Variants in VPS54 observed in about 807,000 individuals in gnomAD.
VPS54 encodes VPS54 subunit of GARP complex.
Under a neutral mutation model 121.5 loss-of-function variants are expected in VPS54, and 45 were observed. That is an observed-to-expected ratio of 0.37 (90% CI 0.29 to 0.47). The LOEUF is 0.47. Ranked by LOEUF, VPS54 falls within the 20% of genes least tolerant of loss-of-function variation. VPS54 has a pLI of 0.99. For missense variants in VPS54, 1,090 were observed against 1,131.4 expected, an observed-to-expected ratio of 0.96 and a Z score of 0.52; for synonymous variants, 371 against 385.8, an observed-to-expected ratio of 0.96 and a Z score of 0.45.
chr2:63,978,781 G>A (rs6724024), intron 3 of VPS54, among the ~76,000 whole-genome samples: 40,452 of 151,646 alleles, frequency 0.27, 6,344 homozygotes, highest in East Asian at 0.77. Context: ...CACCACACCC[G>A]GCTAATTTTT....
At position 63,936,539 on chromosome 2, in the gene VPS54, T is replaced by C. The variant is rs569329858; in HGVS notation, c.1399-2526A>G. ...ATAATGACAACTGATATTGTCATTC[T>C]GAAATGACAGACTAGGATTATTTAT... On this transcript the variant is annotated intron_variant, in intron 11 of 22. Coordinates refer to ENST00000272322, the MANE Select transcript of VPS54 (RefSeq NM_016516.3). 2.0e-5 allele frequency among the ~76,000 whole-genome samples: 3 copies of C among 152,302 alleles called. No individual in the cohort carries two copies. The South Asian group carries it at 6.2e-4, about 32-fold the overall frequency.
In VPS54 at chr2:63,996,832, T is replaced by C. The variant is rs72891097; in HGVS notation, c.-20-12813A>G. Among the ~76,000 whole-genome samples the C allele has an allele frequency of 5.0e-3, 762 of 152,296 alleles. 10 individuals are homozygous for C. Among genetic ancestry groups the C allele is most frequent in the African/African-American group, 0.017 (718 of 41,564 alleles). ...TGCCTAGTAACCTCATTAGTAATTC[T>C]AGTTTTGCCCTGGCCTGGTGACCTT... On this transcript the variant is annotated intron_variant, in intron 1 of 22. Coordinates refer to ENST00000272322, the MANE Select transcript of VPS54 (RefSeq NM_016516.3).
rs1361348060 is a variant in VPS54, at chr2:63,965,898, A to C, written c.561T>G (p.His187Gln). 5 of 1,613,126 alleles carry C rather than the reference A, an allele frequency of 3.1e-6. No homozygotes were observed. Among genetic ancestry groups the C allele is most frequent in the Non-Finnish European group, 4.2e-6 (5 of 1,179,762 alleles). ...TTCCTTTTCCACCAGCAGTATTAAA[A>C]TGAGACCATGGTAAAACTGAATTAA... ...LTFNSVLPWS[H>Q]FNTAGGKGNR... Residue 187 changes from histidine (H) to glutamine (Q), a missense_variant, in exon 6 of 23, where the codon CAT becomes CAG. Physicochemically the swap from His to Gln is conservative, Grantham distance 24 (BLOSUM62 0). Transcript: ENST00000272322.
chr2:63,974,832 T>C (rs890900381), intron 3 of VPS54, among the ~76,000 whole-genome samples: 5 of 152,202 alleles, frequency 3.3e-5, no homozygotes, highest in Non-Finnish European at 7.3e-5. Flanking sequence ...AGTTTCTTTT[T>C]GGATTCTTTG....
chr2:64,006,845 C>T (rs1226050819), intron 1 of VPS54, among the ~76,000 whole-genome samples: 4 of 152,200 alleles, frequency 2.6e-5, no homozygotes, highest in African/African-American at 9.6e-5. Flanking sequence ...TCTTGAACTC[C>T]TGACCTCAGG....
rs546396298 is a variant in VPS54, at chr2:63,951,696, C to T, written c.1011-2533G>A. ...TTATGGTAGTAAATGATAAAATAGA[C>T]TAGTACCTACATATATTTTATGCAT... On this transcript the variant is annotated intron_variant, in intron 7 of 22. Transcript: ENST00000272322. Among the ~76,000 whole-genome samples the T allele has an allele frequency of 3.3e-5, 5 of 152,154 alleles. No homozygotes were observed. In the South Asian group the frequency reaches 1.0e-3, roughly 32 times the overall value.
intron 15 of VPS54, among the ~76,000 whole-genome samples, chr2:63,918,461 A>T (rs781223953): frequency 3.9e-5 from 5 of 128,720 alleles, no homozygotes; most frequent in Non-Finnish European, 8.3e-5. Context: ...TTATAATTTT[A>T]AACTAGTGAT....
intron 16 of VPS54, 29 bp from the exon 17 acceptor site, chr2:63,914,316 G>A: frequency 2.8e-6 from 4 of 1,452,054 alleles, no homozygotes; most frequent in Admixed American, 2.0e-5. Context: ...GGCCCAATAG[G>A]AAATCAAAAC....
chr2:63,929,959 C>T (rs929682872), intron 12 of VPS54, among the ~76,000 whole-genome samples: 4 of 152,066 alleles, frequency 2.6e-5, no homozygotes, highest in African/African-American at 4.8e-5. Flanking sequence ...CAAGACTAAA[C>T]CAGGAAGAAG....
At chr2:63,952,093 T>C (rs1271191827) in intron 7 of VPS54, among the ~76,000 whole-genome samples, 1 of 152,338 alleles carries the variant, frequency 6.6e-6, no homozygotes, top group East Asian at 1.9e-4. Context: ...AAGGACTGTA[T>C]GTACAGATGG....
At position 63,972,235 on chromosome 2, in the gene VPS54, T is replaced by C. The variant is rs764921664; in HGVS notation, c.388A>G (p.Ile130Val). The C allele has an allele frequency of 6.3e-7, 1 of 1,589,014 alleles. No individual in the cohort carries two copies. The highest frequency in any genetic ancestry group is 8.6e-7 in the Non-Finnish European group (1 of 1,162,964). ...YQQEISQREK[I>V]HERCKNICPP... ...CAAATATTCTTGCATCTCTCATGAA[T>C]CTTCTCTCTCTAATAAAAAGACAAA... Residue 130 changes from isoleucine to valine, a missense_variant, in exon 4 of 23, where the codon ATT becomes GTT. Ile to Val is a conservative substitution (Grantham distance 29, BLOSUM62 3). This residue lies in a region of VPS54 where 801 missense variants were observed against 757.0 expected (regional missense o/e 1.06). Transcript: ENST00000272322.
At chr2:63,994,387 G>A (rs1677482551) in intron 1 of VPS54, among the ~76,000 whole-genome samples, 1 of 151,980 alleles carries the variant, frequency 6.6e-6, no homozygotes, top group African/African-American at 2.4e-5. Context: ...TATTCTTATT[G>A]GGCTTATGTG....
At chr2:63,983,019 G>A (rs539465990) in intron 2 of VPS54, among the ~76,000 whole-genome samples, 115 of 152,194 alleles carry the variant, frequency 7.6e-4, no homozygotes, top group Admixed American at 1.5e-3. Context: ...TGCAAATGAT[G>A]AGGGCTGACT....
rs532923496 is a variant in VPS54, at chr2:63,971,183, G to A, written c.457+983C>T. 9.9e-5 allele frequency among the ~76,000 whole-genome samples: 15 copies of A among 152,194 alleles called. No individual in the cohort carries two copies. The South Asian group carries it at 1.2e-3, about 13-fold the overall frequency. Reference sequence around the variant, plus strand: ...CTCAATCTCTGAGTTACTTCTCAAAGGCCTAATTCCCTCTCCATCTCCACT... The same window carrying A: ...CTCAATCTCTGAGTTACTTCTCAAAAGCCTAATTCCCTCTCCATCTCCACT... On this transcript the variant is annotated intron_variant, in intron 4 of 22. Coordinates refer to ENST00000272322, the MANE Select transcript of VPS54 (RefSeq NM_016516.3).
At chr2:64,008,413 CAAAAAA>C (rs35629837) in intron 1 of VPS54, among the ~76,000 whole-genome samples, 1 of 135,696 alleles carries the variant, frequency 7.4e-6, no homozygotes, top group South Asian at 2.4e-4. Context: ...GACTCCGTCT[CAAAAAA>C]AAAAAAAAGG....
chr2:63,920,585 G>A lies in VPS54; in HGVS notation c.1912C>T (p.Leu638Phe), dbSNP rs1207379242. The change falls in exon 14 of 23, where the codon CTT becomes TTT. Residue 638 changes from leucine to phenylalanine, a missense_variant. By Grantham distance (22) the Leu-to-Phe change is conservative. Around this residue, in one of 2 missense-constraint regions of VPS54, gnomAD observed 801 missense variants for 757.0 expected, o/e 1.06. Transcript: ENST00000272322. Reference protein sequence around the residue: ...EKLNSMEFITLSRLMETFILD... With the variant: ...EKLNSMEFITFSRLMETFILD... ...ATGAATGTTTCCATTAATCTAGAAAGTGTTATGAATTCCATGGAATTTAGC... is the reference window on the plus strand; with the variant it reads ...ATGAATGTTTCCATTAATCTAGAAAATGTTATGAATTCCATGGAATTTAGC... 3 of 1,549,238 alleles carry A rather than the reference G, an allele frequency of 1.9e-6. No homozygotes were observed. The African/African-American group carries it at 4.2e-5, about 22-fold the overall frequency.
intron 7 of VPS54, among the ~76,000 whole-genome samples, chr2:63,958,489 T>A (rs1232267180): frequency 2.0e-5 from 3 of 152,124 alleles, no homozygotes; most frequent in African/African-American, 7.2e-5. Context: ...AATTGTGGTA[T>A]GAAAGTTCCC....
intron 3 of VPS54, among the ~76,000 whole-genome samples, chr2:63,978,880 A>G (rs893686442): frequency 2.0e-5 from 3 of 152,296 alleles, no homozygotes; most frequent in African/African-American, 7.2e-5. Flanking sequence ...ATGGCCTCCC[A>G]AAGTGTGGGG....
chr2:64,004,993 G>T (rs1678056065), intron 1 of VPS54, among the ~76,000 whole-genome samples: 1 of 150,560 alleles, frequency 6.6e-6, no homozygotes, highest in South Asian at 2.1e-4. Context: ...GTCCAGGCTG[G>T]TCCTGAACTC....
Sources: allele counts gnomAD v4.1 joint callset (sites outside exome capture counted in the v4.1 genomes callset), GRCh38; gene constraint gnomAD v4.1.1; regional missense constraint gnomAD v4.1.1; transcripts MANE v1.5; gene names NCBI Gene and HGNC (gene_info 2026-07-23, HGNC 2026-07-21).